The following MALRD1 variants were observed in gnomAD, a reference collection of about 807,000 sequenced individuals.
MALRD1 encodes the protein MAM and LDL receptor class A domain containing 1.
MALRD1 carries 247 observed loss-of-function variants against 242.1 expected under a neutral mutation model. That is an observed-to-expected ratio of 1.02 (90% CI 0.92 to 1.13). MALRD1 has a LOEUF of 1.13. Ranked by LOEUF, MALRD1 falls within the 50% of genes most tolerant of loss-of-function variation. The probability of loss-of-function intolerance (pLI) is 0.00; values close to 1 mark genes in which losing one functional copy is unlikely to be tolerated. For missense variants in MALRD1, 2,989 were observed against 2,533.1 expected (o/e 1.18, Z -3.86); for synonymous variants, 995 against 866.6 (o/e 1.15, Z -2.60).
chr10:19,514,166 T>C (rs1043537266), intron 31 of MALRD1, among the ~76,000 whole-genome samples: 1 of 152,234 alleles, frequency 6.6e-6, no homozygotes, highest in African/African-American at 2.4e-5. Flanking sequence ...CAGTTTATTA[T>C]AGTGCAACTG....
chr10:19,650,171 C>T (rs962972701), intron 36 of MALRD1, among the ~76,000 whole-genome samples: 3 of 152,144 alleles, frequency 2.0e-5, no homozygotes, highest in Non-Finnish European at 4.4e-5. Context: ...TAGCAGATTA[C>T]AGATGGCAGA....
chr10:19,280,245 G>T, intron 20 of MALRD1, 22 bp downstream of exon 20: 4 of 1,454,600 alleles, frequency 2.7e-6, no homozygotes, highest in Admixed American at 2.9e-5. Flanking sequence ...CTTAAAATTT[G>T]TTTAAATACT....
rs1239176980 is a variant in MALRD1 at position 19,291,725 on chromosome 10, G to GT, written c.3419+8545dup. On this transcript the variant is annotated intron_variant, in intron 21 of 39. Transcript: ENST00000454679. ...AGAGAAGATTCATTTTTCTCTAAAT[G>GT]TAATAACTAATTTAAAAAAACAAAA... Among the ~76,000 whole-genome samples, 3 of 151,618 alleles carry GT rather than the reference G, an allele frequency of 2.0e-5. 1 individual carries two copies. Among genetic ancestry groups the GT allele is most frequent in the African/African-American group, 7.3e-5 (3 of 41,256 alleles).
chr10:19,219,495 G>T (rs565077174), intron 18 of MALRD1, among the ~76,000 whole-genome samples: 32 of 151,938 alleles, frequency 2.1e-4, no homozygotes, highest in African/African-American at 7.2e-4. Flanking sequence ...GGAGTTCAGC[G>T]CCATGTTCAT....
intron 18 of MALRD1, among the ~76,000 whole-genome samples, chr10:19,236,950 G>A (rs1183478165): frequency 6.6e-6 from 1 of 151,744 alleles, no homozygotes; most frequent in African/African-American, 2.4e-5. Flanking sequence ...ACTTTGCATT[G>A]GTGGTTGAGA....
At chr10:19,530,465 A>AAT (rs1375421718) in intron 31 of MALRD1, among the ~76,000 whole-genome samples, 58,685 of 88,078 alleles carry the variant, frequency 0.67, 24,460 homozygotes, top group Non-Finnish European at 0.85. Flanking sequence ...ATATAATAAT[A>AAT]AATAATTATA....
intron 32 of MALRD1, among the ~76,000 whole-genome samples, chr10:19,559,751 C>T (rs550583116): frequency 4.3e-4 from 66 of 152,130 alleles, no homozygotes; most frequent in African/African-American, 1.5e-3. Context: ...TGACAAAGGG[C>T]TAATATCCAG....
intron 38 of MALRD1, among the ~76,000 whole-genome samples, chr10:19,697,491 A>C (rs1438057490): frequency 6.6e-6 from 1 of 152,038 alleles, no homozygotes; most frequent in African/African-American, 2.4e-5. Context: ...CCTCTAGACT[A>C]GTGTCTGACC....
At chr10:19,621,849 C>T (rs1407099357) in intron 36 of MALRD1, among the ~76,000 whole-genome samples, 2 of 151,494 alleles carry the variant, frequency 1.3e-5, no homozygotes, top group Non-Finnish European at 3.0e-5. Context: ...AACCAAATAA[C>T]ACAAGAGGAC....
At position 19,559,976 on chromosome 10, in the gene MALRD1, A is replaced by G. The variant is rs185730024; in HGVS notation, c.5479-7526A>G. On this transcript the variant is annotated intron_variant, in intron 32 of 39. Coordinates refer to ENST00000454679, the MANE Select transcript of MALRD1 (RefSeq NM_001142308.3). ...CACACCAGAATGGTGATCATTAAAA[A>G]GTCAGGAAACAACAGATGCTGGAGA... Among the ~76,000 whole-genome samples, 506 of 152,270 alleles carry G rather than the reference A, an allele frequency of 3.3e-3. 1 individual carries two copies. Among genetic ancestry groups the G allele is most frequent in the African/African-American group, 0.011 (476 of 41,552 alleles).
At chr10:19,718,776 G>GT (rs1834544548) in intron 38 of MALRD1, among the ~76,000 whole-genome samples, 1 of 152,044 alleles carries the variant, frequency 6.6e-6, no homozygotes, top group African/African-American at 2.4e-5. Context: ...TTTCTAATTT[G>GT]TGATGAACCT....
rs1192257693 is a variant in MALRD1, at chr10:19,484,652, T to C, written c.5030-6865T>C. ...CCCACTCACTGGAAACATTTGAAAA[T>C]ACTTTTTAAAAGCATAATAATATAT... On this transcript the variant is annotated intron_variant, in intron 29 of 39. Coordinates refer to ENST00000454679, the MANE Select transcript of MALRD1 (RefSeq NM_001142308.3). Among the ~76,000 whole-genome samples the C allele has an allele frequency of 2.0e-5, 3 of 152,158 alleles. No individual in the cohort carries two copies. In the East Asian group the frequency reaches 5.8e-4, roughly 29 times the overall value.
At chr10:19,149,998 G>A (rs544190615) in intron 11 of MALRD1, among the ~76,000 whole-genome samples, 3 of 152,218 alleles carry the variant, frequency 2.0e-5, no homozygotes, top group South Asian at 2.1e-4. Context: ...CATCCATGTC[G>A]CTGGCTTCAG....
At chr10:19,294,268 C>T (rs1841587821) in intron 21 of MALRD1, among the ~76,000 whole-genome samples, 2 of 152,030 alleles carry the variant, frequency 1.3e-5, no homozygotes, top group African/African-American at 4.8e-5. Context: ...TTATAATTGC[C>T]CCCAAAATTT....
At chr10:19,270,844 G>GCACA (rs1243239787) in intron 19 of MALRD1, among the ~76,000 whole-genome samples, 4 of 79,764 alleles carry the variant, frequency 5.0e-5, no homozygotes, top group Non-Finnish European at 1.1e-4. Context: ...ACACACACAC[G>GCACA]CACACACAAA....
chr10:19,504,521 C>T (rs1398860240), intron 31 of MALRD1, among the ~76,000 whole-genome samples: 2 of 152,094 alleles, frequency 1.3e-5, no homozygotes, highest in Admixed American at 6.5e-5. Context: ...ACATGATTCC[C>T]AGACCATTAT....
intron 29 of MALRD1, among the ~76,000 whole-genome samples, chr10:19,463,918 G>A (rs1479841537): frequency 6.6e-6 from 1 of 152,162 alleles, no homozygotes; most frequent in Non-Finnish European, 1.5e-5. Context: ...TCTTGCAGTA[G>A]TAAGGTGGTA....
chr10:19,227,033 C>T (rs1343185559), intron 18 of MALRD1, among the ~76,000 whole-genome samples: 3 of 151,924 alleles, frequency 2.0e-5, no homozygotes, highest in Admixed American at 6.6e-5. Flanking sequence ...GTATGAAGTT[C>T]ATTGGTAAAT....
intron 29 of MALRD1, among the ~76,000 whole-genome samples, chr10:19,479,218 C>T (rs1185959433): frequency 6.6e-6 from 1 of 152,114 alleles, no homozygotes; most frequent in Non-Finnish European, 1.5e-5. Context: ...TTTAGTTTAT[C>T]TGTTACAGAG....
Sources: gnomAD v4.1 joint callset for allele counts (sites outside exome capture counted in the v4.1 genomes callset) on GRCh38, gnomAD v4.1.1 for gene constraint, MANE v1.5 for transcripts, NCBI Gene and HGNC (gene_info 2026-07-23, HGNC 2026-07-21) for gene names.